PIK3R1: variants seen among roughly 807,000 people sequenced by gnomAD.
The protein encoded by PIK3R1 is phosphoinositide-3-kinase regulatory subunit 1.
Under a neutral mutation model 98.0 loss-of-function variants are expected in PIK3R1, and 29 were observed. That is an observed-to-expected ratio of 0.30 (90% CI 0.22 to 0.40). The LOEUF (loss-of-function observed/expected upper bound fraction) is 0.40. Ranked by LOEUF, PIK3R1 falls within the 10% of genes least tolerant of loss-of-function variation. The pLI, the probability that PIK3R1 is intolerant of heterozygous loss-of-function variation, is 1.00. For synonymous variants in PIK3R1, 282 were observed against 311.8 expected, an observed-to-expected ratio of 0.90 and a Z score of 1.01; for missense variants, 596 against 872.7, an observed-to-expected ratio of 0.68 and a Z score of 3.99.
At chr5:68,290,233 C>G (rs1045053718) in intron 7 of PIK3R1, among the ~76,000 whole-genome samples, 1 of 152,162 alleles carries the variant, frequency 6.6e-6, no homozygotes, top group African/African-American at 2.4e-5. Context: ...TATCTAAGGA[C>G]TATAAAACAT....
At chr5:68,292,149 T>C (rs1383077590) in intron 7 of PIK3R1, 110 bp from the exon 8 acceptor site, 4 of 627,952 alleles carry the variant, frequency 6.4e-6, no homozygotes, top group Non-Finnish European at 1.1e-5. Context: ...TAATGCTATA[T>C]ATTTCAGTTA....
intron 2 of PIK3R1, among the ~76,000 whole-genome samples, chr5:68,261,798 A>G (rs1463138950): frequency 6.6e-6 from 1 of 152,210 alleles, no homozygotes; most frequent in Non-Finnish European, 1.5e-5. Flanking sequence ...GCAGATGAAA[A>G]AGTAGTTGAC....
rs2112292903 is a variant in PIK3R1 at position 68,297,539 on chromosome 5, C to T, written c.2113C>T (p.Gln705Ter). 1 of 1,614,180 alleles carries T rather than the reference C, an allele frequency of 6.2e-7. No homozygotes were observed. The highest frequency in any genetic ancestry group is 8.5e-7 in the Non-Finnish European group (1 of 1,179,996). The change falls in exon 16 of 16, where the codon CAG (glutamine) becomes TAG (stop). Residue 705 changes from glutamine (Q) to a stop codon, truncating the protein, a stop_gained. Coordinates refer to ENST00000521381, the MANE Select transcript of PIK3R1 (RefSeq NM_181523.3). LOFTEE classifies it high-confidence loss of function. ...ACATTACCAACACACCTCCCTTGTG[C>T]AGCACAACGACTCCCTCAATGTCAC... ...VLHYQHTSLV[Q>*]HNDSLNVTLA...
intron 2 of PIK3R1, among the ~76,000 whole-genome samples, chr5:68,249,866 A>G (rs985854165): frequency 2.0e-5 from 3 of 152,222 alleles, no homozygotes; most frequent in Non-Finnish European, 2.9e-5. Flanking sequence ...GAGCAAATGA[A>G]TAACTGGATG....
chr5:68,275,415 C>T (rs184714177), intron 4 of PIK3R1, among the ~76,000 whole-genome samples: 2 of 151,916 alleles, frequency 1.3e-5, no homozygotes, highest in Admixed American at 6.5e-5. Context: ...CACGTTTAGT[C>T]ACAGGAAGAG....
chr5:68,276,908 G>T (rs1287731382), intron 4 of PIK3R1, among the ~76,000 whole-genome samples: 1 of 152,128 alleles, frequency 6.6e-6, no homozygotes, highest in Admixed American at 6.5e-5. Flanking sequence ...AGAAGAGCAG[G>T]TGACAGCCAC....
intron 7 of PIK3R1, among the ~76,000 whole-genome samples, chr5:68,283,408 G>C (rs901520907): frequency 6.6e-6 from 1 of 152,148 alleles, no homozygotes; most frequent in Non-Finnish European, 1.5e-5. Context: ...CATACTCTAA[G>C]TACAAAAAGA....
intron 5 of PIK3R1, 111 bp downstream of exon 5, chr5:68,279,844 T>C: frequency 2.0e-6 from 2 of 1,022,846 alleles, no homozygotes; most frequent in Non-Finnish European, 2.9e-6. Context: ...AGTAATAACC[T>C]GTCCCTCCCC....
In PIK3R1 at chr5:68,292,256, C is replaced by T. The variant is rs566631081; in HGVS notation, c.917-3C>T. ...CGAACAACTTTTTCTTTTTCATCTG[C>T]AGCACTGCCTCCTAAACCACCAAAA... On this transcript the variant is annotated splice_region_variant and splice_polypyrimidine_tract_variant and intron_variant, in intron 7 of 15. Transcript: ENST00000521381. The T allele has an allele frequency of 1.5e-4, 239 of 1,601,474 alleles. 5 individuals are homozygous for T. The South Asian group carries it at 2.6e-3, about 17-fold the overall frequency.
intron 2 of PIK3R1, among the ~76,000 whole-genome samples, chr5:68,262,910 G>GATACATGT (rs1745909481): frequency 1.5e-5 from 1 of 66,850 alleles, no homozygotes; most frequent in Admixed American, 1.3e-4. Flanking sequence ...TATACATGTA[G>GATACATGT]ATACATGTAG....
chr5:68,260,078 A>G (rs1745680167), intron 2 of PIK3R1, among the ~76,000 whole-genome samples: 1 of 152,160 alleles, frequency 6.6e-6, no homozygotes, highest in East Asian at 1.9e-4. Flanking sequence ...GATACATGTT[A>G]AGTACGTTGT....
chr5:68,284,254 G>A (rs948841544), intron 7 of PIK3R1, among the ~76,000 whole-genome samples: 2 of 152,166 alleles, frequency 1.3e-5, no homozygotes, highest in Non-Finnish European at 2.9e-5. Context: ...GATTCCTTCA[G>A]TCCACCCATT....
Position 68,294,969 on chromosome 5 carries a change from AAAAAT to A in PIK3R1, c.1569-162_1569-158del, listed in dbSNP as rs142988516. Among the ~76,000 whole-genome samples the A allele has an allele frequency of 0.24, 35,085 of 145,846 alleles. 5,135 individuals are homozygous for A. Among genetic ancestry groups the A allele is most frequent in the African/African-American group, 0.39 (15,465 of 39,178 alleles). Reference sequence around the variant, plus strand: ...AAAACTTAAAGTATAATAAAAATAAAAAAATAAAATAAAATAAAATATGTTGAGCC... The same window carrying A: ...AAAACTTAAAGTATAATAAAAATAAAAAAATAAAATAAAATATGTTGAGCC... On this transcript the variant is annotated intron_variant, in intron 12 of 15. Transcript: ENST00000521381.
intron 12 of PIK3R1, 140 bp downstream of exon 12, chr5:68,294,818 GGGGAGGAGGGAGGGATAGCATT>G: frequency 1.9e-6 from 1 of 530,796 alleles, no homozygotes; most frequent in Non-Finnish European, 3.1e-6. Context: ...GGTGGGGTGG[GGGGAGGAGGGAGGGATAGCATT>G]GGGAGATATA....
chr5:68,288,435 G>A lies in PIK3R1; in HGVS notation c.917-3824G>A, dbSNP rs983303281. ...CTCCCCGATACAGTAGCGAAATCCA[G>A]TTGGCTTCTCAATGAGGAGCCGGCA... On this transcript the variant is annotated intron_variant, in intron 7 of 15. Transcript: ENST00000521381. 8 of 1,260,368 alleles carry A rather than the reference G, an allele frequency of 6.3e-6. No individual in the cohort carries two copies. The African/African-American group carries it at 1.1e-4, about 17-fold the overall frequency. The allele number at this position is 1,260,368 out of a possible 1,614,324, so 78.1% of individuals were successfully genotyped here.
At chr5:68,218,550 A>AT (rs1743981940) in intron 1 of PIK3R1, among the ~76,000 whole-genome samples, 1 of 152,158 alleles carries the variant, frequency 6.6e-6, no homozygotes. Context: ...GCATTTTGTG[A>AT]TTTGCAAAAT....
intron 2 of PIK3R1, among the ~76,000 whole-genome samples, chr5:68,267,244 T>C (rs1746159247): frequency 6.6e-6 from 1 of 152,206 alleles, no homozygotes; most frequent in African/African-American, 2.4e-5. Context: ...AATGTAATCT[T>C]GCATTTCAGT....
intron 2 of PIK3R1, among the ~76,000 whole-genome samples, chr5:68,233,680 CTT>C (rs1315190610): frequency 1.3e-5 from 2 of 152,108 alleles, no homozygotes; most frequent in Non-Finnish European, 1.5e-5. Context: ...TAAAATATAA[CTT>C]TGAATTAAAA....
chr5:68,260,522 T>A (rs963002681), intron 2 of PIK3R1, among the ~76,000 whole-genome samples: 1 of 152,088 alleles, frequency 6.6e-6, no homozygotes, highest in Admixed American at 6.5e-5. Context: ...AAATCAAAGA[T>A]GAAGTGGAAA....
Sources: allele counts gnomAD v4.1 joint callset (sites outside exome capture counted in the v4.1 genomes callset), GRCh38; gene constraint gnomAD v4.1.1; transcripts MANE v1.5; gene names NCBI Gene and HGNC (gene_info 2026-07-23, HGNC 2026-07-21).